TMEM132D: variants seen among roughly 807,000 people sequenced by gnomAD.
The protein encoded by TMEM132D is mature OL transmembrane protein.
TMEM132D carries 21 observed loss-of-function variants against 62.3 expected under a neutral mutation model. That is an observed-to-expected ratio of 0.34 (90% confidence interval 0.24 to 0.49). The LOEUF (loss-of-function observed/expected upper bound fraction) is 0.49. TMEM132D is among the 20% of genes least tolerant of loss of function. The pLI, the probability that TMEM132D is intolerant of heterozygous loss-of-function variation, is 0.99. For synonymous variants in TMEM132D, 621 were observed against 575.6 expected (o/e 1.08, Z -1.13); for missense variants, 1,346 against 1,402.8 (o/e 0.96, Z 0.65).
intron 5 of TMEM132D, among the ~76,000 whole-genome samples, chr12:129,101,293 A>G (rs1875300833): frequency 4.6e-5 from 7 of 152,176 alleles, no homozygotes; most frequent in Admixed American, 4.6e-4. Context: ...TCGATTTGCC[A>G]ATTCCTGTAG....
At chr12:129,191,764 AACACACACACACACAT>A (rs1565992990) in intron 5 of TMEM132D, among the ~76,000 whole-genome samples, 1 of 148,226 alleles carries the variant, frequency 6.7e-6, no homozygotes, top group African/African-American at 2.5e-5. Flanking sequence ...ACACACACAG[AACACACACACACACAT>A]ACACACACAC....
chr12:129,448,247 G>A (rs1326627780), intron 3 of TMEM132D, among the ~76,000 whole-genome samples: 2 of 152,124 alleles, frequency 1.3e-5, no homozygotes, highest in Admixed American at 1.3e-4. Flanking sequence ...CTAAGTTATG[G>A]GGTATATGTG....
chr12:129,785,102 C>T (rs949980155), intron 1 of TMEM132D, among the ~76,000 whole-genome samples: 1 of 152,106 alleles, frequency 6.6e-6, no homozygotes, highest in Non-Finnish European at 1.5e-5. Flanking sequence ...TTCTTAATTC[C>T]CTTGCACCAG....
intron 1 of TMEM132D, among the ~76,000 whole-genome samples, chr12:129,726,455 A>T (rs1869040371): frequency 6.6e-6 from 1 of 152,162 alleles, no homozygotes; most frequent in Non-Finnish European, 1.5e-5. Context: ...TCAGCTCATG[A>T]AAGGCATGGT....
At chr12:129,164,227 T>C (rs1435349184) in intron 5 of TMEM132D, among the ~76,000 whole-genome samples, 1 of 152,160 alleles carries the variant, frequency 6.6e-6, no homozygotes, top group Non-Finnish European at 1.5e-5. Flanking sequence ...CCCGGTCAAC[T>C]CATGTCAAAA....
At chr12:129,301,899 G>A (rs913010566) in intron 4 of TMEM132D, among the ~76,000 whole-genome samples, 1 of 152,050 alleles carries the variant, frequency 6.6e-6, no homozygotes, top group Non-Finnish European at 1.5e-5. Context: ...AGGTGGTGAT[G>A]ACGCTGAAGG....
intron 5 of TMEM132D, among the ~76,000 whole-genome samples, chr12:129,188,754 GGAGAGAGGGAGAGAGAGAGAGAGAGAGA>G (rs1878291720): frequency 8.2e-6 from 1 of 122,498 alleles, no homozygotes; most frequent in Admixed American, 8.1e-5. Flanking sequence ...AGAGGGGGAG[GGAGAGAGGGAGAGAGAGAGAGAGAGAGA>G]GAGAGAGAGA....
chr12:129,258,553 G>C (rs1404805201), intron 4 of TMEM132D, among the ~76,000 whole-genome samples: 1 of 152,126 alleles, frequency 6.6e-6, no homozygotes. Context: ...AATTCAAATT[G>C]ACATCTGTGA....
intron 1 of TMEM132D, among the ~76,000 whole-genome samples, chr12:129,878,639 T>A (rs1345843975): frequency 6.6e-6 from 1 of 151,720 alleles, no homozygotes; most frequent in Non-Finnish European, 1.5e-5. Context: ...TGCAGTGGCA[T>A]GACCTCAGCT....
chr12:129,166,843 T>G (rs1197502097), intron 5 of TMEM132D, among the ~76,000 whole-genome samples: 1 of 151,620 alleles, frequency 6.6e-6, no homozygotes, highest in Non-Finnish European at 1.5e-5. Flanking sequence ...ACAAGTACAT[T>G]TTCCTGGGCT....
intron 4 of TMEM132D, among the ~76,000 whole-genome samples, chr12:129,256,506 C>T (rs374613259): frequency 4.9e-4 from 75 of 152,220 alleles, no homozygotes; most frequent in Middle Eastern, 3.4e-3. Flanking sequence ...TGGCAACCTC[C>T]GCCTCCCAGC....
At chr12:129,443,677 A>G (rs1873004778) in intron 3 of TMEM132D, among the ~76,000 whole-genome samples, 1 of 151,618 alleles carries the variant, frequency 6.6e-6, no homozygotes, top group Admixed American at 6.6e-5. Flanking sequence ...CCTAAACAAC[A>G]TTGTTCTCCC....
chr12:129,680,891 G>T (rs1327354433), intron 2 of TMEM132D, among the ~76,000 whole-genome samples: 3 of 152,186 alleles, frequency 2.0e-5, no homozygotes, highest in Admixed American at 6.5e-5. Flanking sequence ...AGGGCTACCT[G>T]GTGGGAGCTG....
chr12:129,840,805 G>A (rs886123930), intron 1 of TMEM132D, among the ~76,000 whole-genome samples: 2 of 152,180 alleles, frequency 1.3e-5, no homozygotes, highest in African/African-American at 2.4e-5. Flanking sequence ...AAGGACCCCC[G>A]CCTCATGGGA....
intron 5 of TMEM132D, among the ~76,000 whole-genome samples, chr12:129,202,012 G>GAAA (rs36034328): frequency 1.3e-5 from 2 of 149,536 alleles, no homozygotes; most frequent in East Asian, 3.9e-4. Context: ...TTGCCTTCTT[G>GAAA]AAAAAAAAAA....
At chr12:129,644,769 G>A (rs1174927755) in intron 2 of TMEM132D, among the ~76,000 whole-genome samples, 2 of 150,434 alleles carry the variant, frequency 1.3e-5, no homozygotes, top group East Asian at 3.9e-4. Context: ...ACGAGGTCAG[G>A]AGATCACGAC....
intron 1 of TMEM132D, among the ~76,000 whole-genome samples, chr12:129,809,792 T>C (rs1341884753): frequency 6.6e-6 from 1 of 152,072 alleles, no homozygotes; most frequent in Non-Finnish European, 1.5e-5. Flanking sequence ...TGATGAAAAG[T>C]AGCAATGAGA....
intron 2 of TMEM132D, among the ~76,000 whole-genome samples, chr12:129,630,746 T>G (rs1241235552): frequency 6.6e-6 from 1 of 152,176 alleles, no homozygotes; most frequent in Non-Finnish European, 1.5e-5. Flanking sequence ...ATATGCAGGT[T>G]TGTTATATGG....
intron 1 of TMEM132D, among the ~76,000 whole-genome samples, chr12:129,780,193 A>G (rs575025131): frequency 2.0e-5 from 3 of 151,674 alleles, no homozygotes; most frequent in African/African-American, 7.3e-5. Flanking sequence ...TTCTCACTTG[A>G]AAGACATAGT....
Sources: allele counts gnomAD v4.1 joint callset (sites outside exome capture counted in the v4.1 genomes callset), GRCh38; gene constraint gnomAD v4.1.1; transcripts MANE v1.5; gene names NCBI Gene and HGNC (gene_info 2026-07-23, HGNC 2026-07-21).